The following PPIH variants were observed in gnomAD, a reference collection of about 807,000 sequenced individuals.
PPIH encodes the protein peptidylprolyl isomerase H.
PPIH carries 16 observed loss-of-function variants against 27.6 expected under a neutral mutation model. That is an observed-to-expected ratio of 0.58 (90% CI 0.39 to 0.88). The LOEUF is 0.88. Among genes scored for constraint, PPIH ranks in the 40% least tolerant of loss-of-function variants. The pLI is 0.00. For synonymous variants in PPIH, 63 were observed against 76.1 expected (o/e 0.83, Z 0.90); for missense variants, 155 against 224.1 (o/e 0.69, Z 1.97).
Position 42,669,452 on chromosome 1 carries a change from C to T in PPIH, c.*21+2012C>T, listed in dbSNP as rs181898401. Among the ~76,000 whole-genome samples the T allele has an allele frequency of 1.1e-4, 16 of 152,222 alleles. No homozygotes were observed. In the East Asian group the frequency reaches 2.1e-3, roughly 20 times the overall value. ...CTAGGACTACAGGTGCATGCCACCACGCCCAGCTAATTTTTATATTTCTTG... is the reference window on the plus strand; with the variant it reads ...CTAGGACTACAGGTGCATGCCACCATGCCCAGCTAATTTTTATATTTCTTG... On this transcript the variant is annotated intron_variant, in intron 9 of 9. Transcript: ENST00000304979.
At chr1:42,658,964 C>A in intron 2 of PPIH, 56 bp downstream of exon 2, 2 of 1,575,582 alleles carry the variant, frequency 1.3e-6, no homozygotes, top group South Asian at 1.1e-5. Context: ...GGGCTCCAGT[C>A]AGCCGCCTGA....
intron 4 of PPIH, 134 bp from the exon 5 acceptor site, chr1:42,660,728 C>A: frequency 1.3e-6 from 1 of 784,402 alleles, no homozygotes; most frequent in Non-Finnish European, 1.9e-6. Flanking sequence ...CCGCACCCAG[C>A]TAAGAGTAAT....
chr1:42,681,264 C>G (rs1462815931), downstream of PPIH: 1 of 151,696 alleles, frequency 6.6e-6, no homozygotes, highest in Non-Finnish European at 1.5e-5. Context: ...TCGAGTCTTA[C>G]TGAACTACTT....
intron 6 of PPIH, among the ~76,000 whole-genome samples, chr1:42,665,575 C>T (rs1023216415): frequency 2.0e-5 from 3 of 152,074 alleles, no homozygotes. Flanking sequence ...TGTGGTGGCT[C>T]ACACCTGTAA....
chr1:42,677,042 G>A (rs1177772460), downstream of PPIH, among the ~76,000 whole-genome samples: 1 of 152,200 alleles, frequency 6.6e-6, no homozygotes, highest in Non-Finnish European at 1.5e-5. Context: ...GATCAATTTG[G>A]TTAGTTCTGG....
At chr1:42,672,074 A>G (rs930096667) in intron 9 of PPIH, among the ~76,000 whole-genome samples, 2 of 151,994 alleles carry the variant, frequency 1.3e-5, no homozygotes, top group South Asian at 4.1e-4. Flanking sequence ...TAGTAGAGAC[A>G]GGGTTTCACC....
chr1:42,674,302 AG>A (rs1649783274), intron 9 of PPIH, among the ~76,000 whole-genome samples: 1 of 152,250 alleles, frequency 6.6e-6, no homozygotes, highest in South Asian at 2.1e-4. Context: ...AGGGCATTCC[AG>A]GCAGAGGGAA....
At chr1:42,669,602 T>C (rs1649522849) in intron 9 of PPIH, among the ~76,000 whole-genome samples, 1 of 152,192 alleles carries the variant, frequency 6.6e-6, no homozygotes, top group Non-Finnish European at 1.5e-5. Flanking sequence ...CATTAGTTCT[T>C]AATTTTATAT....
chr1:42,659,704 G>GTT, intron 4 of PPIH, 138 bp downstream of exon 4: 1 of 1,318,616 alleles, frequency 7.6e-7, no homozygotes, highest in South Asian at 1.5e-5. Flanking sequence ...AACAACTGAA[G>GTT]ATTTATTAAA....
At chr1:42,659,289 A>G (rs1401758304) in intron 3 of PPIH, 38 bp downstream of exon 3, 7 of 1,614,028 alleles carry the variant, frequency 4.3e-6, no homozygotes, top group Admixed American at 1.7e-5. Context: ...TGCCTGCTCC[A>G]GAGGGGTGTT....
chr1:42,671,537 G>A (rs1191934247), intron 9 of PPIH, among the ~76,000 whole-genome samples: 1 of 152,152 alleles, frequency 6.6e-6, no homozygotes, highest in East Asian at 1.9e-4. Flanking sequence ...CAATCTACTC[G>A]CCCTGGCTTG....
At position 42,659,286 on chromosome 1, in the gene PPIH, T is replaced by C. The variant is rs776579417; in HGVS notation, c.155+35T>C. On this transcript the variant is annotated intron_variant, in intron 3 of 9. Coordinates refer to ENST00000304979, the MANE Select transcript of PPIH (RefSeq NM_006347.4). Reference sequence around the variant, plus strand: ...AGATGTGTTTGACTTCTTTGCCTGCTCCAGAGGGGTGTTCTGGGGCTGCAG... The same window carrying C: ...AGATGTGTTTGACTTCTTTGCCTGCCCCAGAGGGGTGTTCTGGGGCTGCAG... The C allele has an allele frequency of 2.7e-5, 44 of 1,614,094 alleles. 1 individual carries two copies. In the South Asian group the frequency reaches 4.4e-4, roughly 16 times the overall value.
In PPIH at chr1:42,659,578, G is replaced by C; in HGVS notation, c.200+12G>C. 1 of 1,611,860 alleles carries C rather than the reference G, an allele frequency of 6.2e-7. No individual in the cohort carries two copies. Among genetic ancestry groups the C allele is most frequent in the Non-Finnish European group, 8.5e-7 (1 of 1,179,560 alleles). ...AGCACCTTCCACAGGTAAGGCTCTT[G>C]GCAAGCCATCCTGGAGTCTTTCAGA... is the stretch of plus-strand genomic sequence containing the variant. On this transcript the variant is annotated intron_variant, in intron 4 of 9. Transcript: ENST00000304979.
chr1:42,669,627 C>G (rs1252361049), intron 9 of PPIH, among the ~76,000 whole-genome samples: 1 of 152,126 alleles, frequency 6.6e-6, no homozygotes, highest in Non-Finnish European at 1.5e-5. Context: ...TAATTGTTTT[C>G]TTCAGAATAT....
At chr1:42,659,112 T>C in intron 2 of PPIH, 116 bp from the exon 3 acceptor site, 1 of 1,512,688 alleles carries the variant, frequency 6.6e-7, no homozygotes, top group South Asian at 1.2e-5. Context: ...TGTCTGGACG[T>C]CTGGCTGGCC....
chr1:42,661,028 G>C (rs1278567719), intron 5 of PPIH, 124 bp downstream of exon 5: 4 of 841,782 alleles, frequency 4.8e-6, no homozygotes, highest in African/African-American at 1.7e-5. Context: ...GGTTTGATGT[G>C]GGTGTTGGAG....
At chr1:42,677,703 G>A (rs1258219359), downstream of PPIH, among the ~76,000 whole-genome samples, 5 of 152,110 alleles carry the variant, frequency 3.3e-5, no homozygotes, top group African/African-American at 4.8e-5. Flanking sequence ...GCACATACCT[G>A]TAGTCCTAAC....
intron 4 of PPIH, 111 bp downstream of exon 4, chr1:42,659,677 A>T (rs1179917932): frequency 1.4e-6 from 2 of 1,478,520 alleles, no homozygotes; most frequent in Non-Finnish European, 1.8e-6. Context: ...CTTGAGAAGA[A>T]ATGTTTTTGT....
At position 42,670,941 on chromosome 1, in the gene PPIH, G is replaced by T. The variant is rs939950010; in HGVS notation, c.*21+3501G>T. ...CTCCTGAGTAGCTGGGATTACAGGC[G>T]CACGCTGCCATGCCTGGCTATTTTT... On this transcript the variant is annotated intron_variant, in intron 9 of 9. Coordinates refer to ENST00000304979, the MANE Select transcript of PPIH (RefSeq NM_006347.4). Among the ~76,000 whole-genome samples, 6 of 152,130 alleles carry T rather than the reference G, an allele frequency of 3.9e-5. No individual in the cohort carries two copies. In the East Asian group the frequency reaches 9.7e-4, roughly 25 times the overall value.
Sources: allele counts gnomAD v4.1 joint callset (sites outside exome capture counted in the v4.1 genomes callset), GRCh38; gene constraint gnomAD v4.1.1; transcripts MANE v1.5; gene names NCBI Gene and HGNC (gene_info 2026-07-23, HGNC 2026-07-21).